The following ANKFN1 variants were observed in gnomAD, a reference collection of about 807,000 sequenced individuals.
ANKFN1 encodes ankyrin repeat and fibronectin type-III domain-containing protein 1.
ANKFN1 carries 74 observed loss-of-function variants against 108.7 expected under a neutral mutation model. The ratio of observed to expected loss-of-function variants is 0.68; its 90% CI spans 0.56 to 0.83. The LOEUF is 0.83. ANKFN1 is among the 40% of genes least tolerant of loss of function. The probability of loss-of-function intolerance (pLI) is 0.00; values close to 1 mark genes in which losing one functional copy is unlikely to be tolerated. For missense variants in ANKFN1, 1,505 were observed against 1,382.3 expected (o/e 1.09, Z -1.41); for synonymous variants, 547 against 516.2 (o/e 1.06, Z -0.81).
chr17:56,101,656 G>A (rs1178449442), intron 4 of ANKFN1, among the ~76,000 whole-genome samples: 1 of 152,182 alleles, frequency 6.6e-6, no homozygotes, highest in East Asian at 1.9e-4. Flanking sequence ...TTTGTAGAAT[G>A]GGACATAGAC....
chr17:56,230,764 A>C (rs1346718834), intron 3 of ANKFN1, among the ~76,000 whole-genome samples: 1 of 152,114 alleles, frequency 6.6e-6, no homozygotes, highest in Non-Finnish European at 1.5e-5. Flanking sequence ...ATTGCTTTTT[A>C]AGAGGCTTGG....
intron 4 of ANKFN1, among the ~76,000 whole-genome samples, chr17:56,066,884 CGT>C (rs1336377570): frequency 1.3e-5 from 2 of 152,106 alleles, no homozygotes; most frequent in African/African-American, 2.4e-5. Context: ...CATGTTGTAA[CGT>C]GTGTCAAAAA....
chr17:56,321,100 A>G (rs1165294678), intron 3 of ANKFN1, among the ~76,000 whole-genome samples: 1 of 151,186 alleles, frequency 6.6e-6, no homozygotes, highest in Non-Finnish European at 1.5e-5. Flanking sequence ...TGGATTGAAT[A>G]GCCAATGCAC....
chr17:56,198,981 C>T (rs938028952), intron 1 of ANKFN1, among the ~76,000 whole-genome samples: 1 of 152,144 alleles, frequency 6.6e-6, no homozygotes, highest in Non-Finnish European at 1.5e-5. Context: ...ATGTTAGAAT[C>T]ATTTAGGAGT....
intron 2 of ANKFN1, among the ~76,000 whole-genome samples, chr17:56,218,212 C>CTG (rs1352172090): frequency 9.6e-4 from 137 of 142,238 alleles, no homozygotes; most frequent in Non-Finnish European, 1.5e-3. Flanking sequence ...TCTTCCCCAC[C>CTG]CTCCCTCCCT....
Position 56,080,950 on chromosome 17 carries a change from CA to C in ANKFN1, c.288+34628del, listed in dbSNP as rs531630449. Among the ~76,000 whole-genome samples, 4 of 152,308 alleles carry C rather than the reference CA, an allele frequency of 2.6e-5. No homozygotes were observed. In the East Asian group the frequency reaches 7.7e-4, roughly 29 times the overall value. On this transcript the variant is annotated intron_variant, in intron 4 of 12. Coordinates refer to the ANKFN1 transcript ENST00000635860. ...TCCCTCCCCAGAAACTGCCCTCTGT[CA>C]AAGGGGGCTGCCTCCTCCATGTTCA...
At chr17:56,054,200 A>C (rs887245330) in intron 4 of ANKFN1, among the ~76,000 whole-genome samples, 3 of 152,246 alleles carry the variant, frequency 2.0e-5, no homozygotes, top group Non-Finnish European at 4.4e-5. Context: ...CTACCATTTG[A>C]TCCAGCAATC....
At chr17:56,248,638 G>A (rs1163788361) in intron 3 of ANKFN1, among the ~76,000 whole-genome samples, 1 of 152,158 alleles carries the variant, frequency 6.6e-6, no homozygotes, top group Non-Finnish European at 1.5e-5. Context: ...TGGAATTTAA[G>A]CATCTACCAG....
chr17:56,315,010 C>T (rs2045158177), intron 3 of ANKFN1, among the ~76,000 whole-genome samples: 1 of 152,202 alleles, frequency 6.6e-6, no homozygotes, highest in African/African-American at 2.4e-5. Flanking sequence ...TGCTGCCGAG[C>T]TCGAAATAAG....
chr17:56,361,598 A>T (rs556128091), intron 6 of ANKFN1, among the ~76,000 whole-genome samples: 1 of 152,272 alleles, frequency 6.6e-6, no homozygotes, highest in East Asian at 1.9e-4. Context: ...ATTATTATAT[A>T]TTGCTGTGTA....
At chr17:56,459,341 C>G (rs1274642071) in intron 14 of ANKFN1, among the ~76,000 whole-genome samples, 2 of 152,108 alleles carry the variant, frequency 1.3e-5, no homozygotes, top group East Asian at 1.9e-4. Flanking sequence ...GAACTCCTGA[C>G]CTCAAGTGAT....
At chr17:56,386,621 T>C (rs2047282392) in intron 8 of ANKFN1, among the ~76,000 whole-genome samples, 1 of 142,990 alleles carries the variant, frequency 7.0e-6, no homozygotes, top group African/African-American at 2.6e-5. Context: ...TTAAGGATGA[T>C]GCATTTGTCT....
chr17:56,195,640 C>G (rs566974789), intron 1 of ANKFN1, among the ~76,000 whole-genome samples: 3 of 152,288 alleles, frequency 2.0e-5, no homozygotes, highest in East Asian at 1.9e-4. Context: ...AAAAGAATAA[C>G]TCTGAGCCCA....
intron 1 of ANKFN1, among the ~76,000 whole-genome samples, chr17:56,168,732 T>C (rs1910384370): frequency 6.6e-6 from 1 of 152,242 alleles, no homozygotes; most frequent in Non-Finnish European, 1.5e-5. Flanking sequence ...GATAAGCCTA[T>C]ATTTCATTAT....
chr17:56,274,155 G>T (rs990144764), intron 3 of ANKFN1, among the ~76,000 whole-genome samples: 1 of 152,184 alleles, frequency 6.6e-6, no homozygotes. Context: ...GAACCCTAAA[G>T]AAATCTGGGA....
At position 56,516,234 on chromosome 17, in the gene ANKFN1, T is replaced by C. The variant is rs971257275; in HGVS notation, c.*4965T>C. 2.0e-5 allele frequency among the ~76,000 whole-genome samples: 3 copies of C among 151,464 alleles called. No homozygotes were observed. The highest frequency in any genetic ancestry group is 4.4e-5 in the Non-Finnish European group (3 of 67,918). On this transcript the variant is annotated 3_prime_UTR_variant, in exon 21 of 21. Transcript: ENST00000682825. ...CATGTATGTGACCACAAGCATCAGT[T>C]TGATGTTTGTGATTTTTAAAAAAGT...
chr17:56,263,265 C>T (rs576746781), intron 3 of ANKFN1, among the ~76,000 whole-genome samples: 23 of 152,256 alleles, frequency 1.5e-4, no homozygotes, highest in Non-Finnish European at 2.9e-4. Flanking sequence ...ATAAAGTGGA[C>T]TTGATCTATA....
intron 4 of ANKFN1, among the ~76,000 whole-genome samples, chr17:56,110,216 T>G (rs1477454703): frequency 6.6e-6 from 1 of 152,220 alleles, no homozygotes; most frequent in Non-Finnish European, 1.5e-5. Flanking sequence ...ACTCGAGCCT[T>G]CTTCCCTGAA....
chr17:56,260,848 G>C (rs1042784527), intron 3 of ANKFN1, among the ~76,000 whole-genome samples: 2 of 152,074 alleles, frequency 1.3e-5, no homozygotes, highest in African/African-American at 4.8e-5. Flanking sequence ...TGCCTGGGTG[G>C]CTTCCTAATT....
Sources: gnomAD v4.1 joint callset for allele counts (sites outside exome capture counted in the v4.1 genomes callset) on GRCh38, gnomAD v4.1.1 for gene constraint, MANE v1.5 for transcripts, NCBI Gene and HGNC (gene_info 2026-07-23, HGNC 2026-07-21) for gene names.